The following RBFOX3 variants were observed in gnomAD, a reference collection of about 807,000 sequenced individuals.
RBFOX3 encodes the protein RNA binding protein fox-1 homolog 3.
A neutral mutation model predicts 48.7 loss-of-function variants in RBFOX3; 17 were observed. The ratio of observed to expected loss-of-function variants is 0.35; its 90% CI spans 0.24 to 0.52. The LOEUF (loss-of-function observed/expected upper bound fraction) is 0.52. Ranked by LOEUF, RBFOX3 falls within the 20% of genes least tolerant of loss-of-function variation. RBFOX3 has a pLI of 0.94. For synonymous variants in RBFOX3, 212 were observed against 209.5 expected, an observed-to-expected ratio of 1.01 and a Z score of -0.10; for missense variants, 382 against 497.5, an observed-to-expected ratio of 0.77 and a Z score of 2.21.
chr17:79,149,555 G>C lies in RBFOX3; in HGVS notation c.-33-33807C>G, dbSNP rs541047726. On this transcript the variant is annotated intron_variant, in intron 4 of 14. Transcript: ENST00000693108. ...GGCTGTGAAGTGGGTGGGGCAGTGGGAAGTGTGCCTGGGGGGGTCCGTGGA... is the reference window on the plus strand; with the variant it reads ...GGCTGTGAAGTGGGTGGGGCAGTGGCAAGTGTGCCTGGGGGGGTCCGTGGA... 2.1e-3 allele frequency among the ~76,000 whole-genome samples: 317 copies of C among 152,160 alleles called. 1 individual carries two copies. Among genetic ancestry groups the C allele is most frequent in the Non-Finnish European group, 2.4e-3 (161 of 67,996 alleles).
chr17:79,449,797 T>TCACTC (rs2073118884), intron 2 of RBFOX3, among the ~76,000 whole-genome samples: 1 of 152,118 alleles, frequency 6.6e-6, no homozygotes, highest in Non-Finnish European at 1.5e-5. Flanking sequence ...AGGAGAGTGG[T>TCACTC]CTGGGCAGGA....
At chr17:79,179,456 CA>C (rs1379949379) in intron 4 of RBFOX3, among the ~76,000 whole-genome samples, 1 of 152,124 alleles carries the variant, frequency 6.6e-6, no homozygotes, top group Non-Finnish European at 1.5e-5. Context: ...ACACGGAGAG[CA>C]AAAGCAACGG....
Position 79,220,236 on chromosome 17 carries a change from AG to A in RBFOX3, c.-34+15529del, listed in dbSNP as rs1183206752. 2.6e-5 allele frequency among the ~76,000 whole-genome samples: 4 copies of A among 152,224 alleles called. No individual in the cohort carries two copies. The highest frequency in any genetic ancestry group is 7.2e-5 in the African/African-American group (3 of 41,542). On this transcript the variant is annotated intron_variant, in intron 4 of 14. Coordinates refer to ENST00000693108, the MANE Select transcript of RBFOX3 (RefSeq NM_001350451.2). The surrounding 1 kb of genome is among the most constrained non-coding windows in gnomAD (Gnocchi z 5.9). ...GCTCCACAGCAGGCTCCCGGGGAGG[AG>A]GGGAGGAGACCCAATCAGGGAAGCG...
intron 2 of RBFOX3, among the ~76,000 whole-genome samples, chr17:79,414,434 C>T (rs1251565657): frequency 6.6e-6 from 1 of 152,168 alleles, no homozygotes; most frequent in Non-Finnish European, 1.5e-5. Context: ...CACAACTTCC[C>T]CACAAAGCCC....
chr17:79,539,932 T>C (rs2089428802), intron 1 of RBFOX3, among the ~76,000 whole-genome samples: 1 of 152,166 alleles, frequency 6.6e-6, no homozygotes, highest in African/African-American at 2.4e-5. Flanking sequence ...GTGTAACACA[T>C]ACCTATACAA....
intron 1 of RBFOX3, among the ~76,000 whole-genome samples, chr17:79,499,037 C>T (rs1411916285): frequency 6.6e-6 from 1 of 151,806 alleles, no homozygotes; most frequent in Non-Finnish European, 1.5e-5. Flanking sequence ...CTCATACCCT[C>T]ATCTACCCAT....
intron 2 of RBFOX3, among the ~76,000 whole-genome samples, chr17:79,427,524 C>G (rs2067608367): frequency 6.6e-6 from 1 of 152,202 alleles, no homozygotes; most frequent in South Asian, 2.1e-4. Context: ...AGTGATTTTG[C>G]CTTGTGGATG....
chr17:79,335,440 G>A (rs1013616286), intron 2 of RBFOX3, among the ~76,000 whole-genome samples: 2 of 152,104 alleles, frequency 1.3e-5, no homozygotes, highest in African/African-American at 4.8e-5. Flanking sequence ...ACTTTAACAC[G>A]CACAGACACT....
chr17:79,318,177 T>C (rs1308141940), intron 2 of RBFOX3, among the ~76,000 whole-genome samples: 1 of 151,742 alleles, frequency 6.6e-6, no homozygotes, highest in Non-Finnish European at 1.5e-5. Context: ...CTATCATGAG[T>C]GGAACAGGAG....
chr17:79,612,947 TG>T (rs1279398711), upstream of RBFOX3, among the ~76,000 whole-genome samples: 1 of 152,208 alleles, frequency 6.6e-6, no homozygotes, highest in Non-Finnish European at 1.5e-5. Flanking sequence ...TTTTCCTCTC[TG>T]GTCCAGACCC....
chr17:79,460,093 G>C, intron 2 of RBFOX3, among the ~76,000 whole-genome samples: 1 of 152,142 alleles, frequency 6.6e-6, no homozygotes, highest in East Asian at 1.9e-4. Flanking sequence ...AGTTGCCAAG[G>C]GCTACGGGAG....
At chr17:79,260,094 T>C (rs2148446835) in intron 3 of RBFOX3, among the ~76,000 whole-genome samples, 1 of 151,852 alleles carries the variant, frequency 6.6e-6, no homozygotes, top group East Asian at 2.0e-4. Flanking sequence ...GCACATCCCT[T>C]ATTGTCTAGC....
the RBFOX3 span, among the ~76,000 whole-genome samples, chr17:79,648,114 T>C: frequency 6.6e-6 from 1 of 152,114 alleles, no homozygotes; most frequent in East Asian, 1.9e-4. Flanking sequence ...TAGTGGGCAC[T>C]GCTAGTCCCT....
chr17:79,222,240 C>A (rs1410476354), intron 4 of RBFOX3, among the ~76,000 whole-genome samples: 3 of 152,152 alleles, frequency 2.0e-5, no homozygotes, highest in African/African-American at 7.2e-5. Context: ...CCCTTTATGG[C>A]TCCCTGGGGA....
intron 4 of RBFOX3, among the ~76,000 whole-genome samples, chr17:79,223,451 A>G (rs1286032266): frequency 2.6e-5 from 4 of 152,162 alleles, no homozygotes; most frequent in African/African-American, 4.8e-5. Context: ...AAATGTACCA[A>G]TGTGGCAGCC....
chr17:79,643,588 A>G, the RBFOX3 span, among the ~76,000 whole-genome samples: 138 of 152,338 alleles, frequency 9.1e-4, no homozygotes, highest in African/African-American at 3.0e-3. Context: ...CTTGCTGAAT[A>G]TGTTTTCTGA....
At chr17:79,134,094 A>G (rs1006696184) in intron 4 of RBFOX3, among the ~76,000 whole-genome samples, 4 of 152,066 alleles carry the variant, frequency 2.6e-5, no homozygotes, top group Non-Finnish European at 5.9e-5. Flanking sequence ...GCAGGACCCC[A>G]CCCTTGCACT....
Position 79,477,372 on chromosome 17 carries a change from C to A in RBFOX3, c.-175+5082G>T, listed in dbSNP as rs773733535. ...GAGATCGAGATCATCCTGGCTAACA[C>A]GGTGAAACCCCGTCTCTACTAAAAA... On this transcript the variant is annotated intron_variant, in intron 2 of 14. Coordinates refer to ENST00000693108, the MANE Select transcript of RBFOX3 (RefSeq NM_001350451.2). This position sits in a 1 kb window ranked among gnomAD's most constrained non-coding sequence, Gnocchi z 4.8. Among the ~76,000 whole-genome samples, 4 of 147,794 alleles carry A rather than the reference C, an allele frequency of 2.7e-5. No individual in the cohort carries two copies. Among genetic ancestry groups the A allele is most frequent in the Non-Finnish European group, 6.0e-5 (4 of 67,196 alleles).
chr17:79,280,174 TCAC>T (rs2069994847), intron 3 of RBFOX3, among the ~76,000 whole-genome samples: 1 of 51,764 alleles, frequency 1.9e-5, no homozygotes, highest in Admixed American at 2.9e-4. Flanking sequence ...CACACACCAC[TCAC>T]ACACACATGC....
Sources: gnomAD v4.1 joint callset for allele counts (sites outside exome capture counted in the v4.1 genomes callset) on GRCh38, gnomAD v4.1.1 for gene constraint, Gnocchi (gnomAD v3.1) non-coding constraint, MANE v1.5 for transcripts, NCBI Gene and HGNC (gene_info 2026-07-23, HGNC 2026-07-21) for gene names.